Variants in TENM1 observed in about 807,000 individuals in gnomAD.
The protein encoded by TENM1 is teneurin-1.
A neutral mutation model predicts 174.8 loss-of-function variants in TENM1; 35 were observed. The ratio of observed to expected loss-of-function variants is 0.20; its 90% CI spans 0.15 to 0.27. The LOEUF is 0.27. Among genes scored for constraint, TENM1 ranks in the 10% least tolerant of loss-of-function variants. The pLI, the probability that TENM1 is intolerant of heterozygous loss-of-function variation, is 1.00. For synonymous variants in TENM1, 781 were observed against 798.7 expected (o/e 0.98, Z 0.37); for missense variants, 1,633 against 2,130.1 (o/e 0.77, Z 4.59).
At chrX:124,419,043 A>G (rs1299434443) in intron 25 of TENM1, among the ~76,000 whole-genome samples, 1 of 111,939 alleles carries the variant, frequency 8.9e-6, no homozygotes, top group Non-Finnish European at 1.9e-5. Context: ...TATGTAAATT[A>G]CCTAGCCCAG....
chrX:124,876,404 T>C (rs931652891), intron 3 of TENM1, among the ~76,000 whole-genome samples: 3 of 111,742 alleles, frequency 2.7e-5, no homozygotes, highest in Non-Finnish European at 5.6e-5. Context: ...ACTTGTAGTG[T>C]ATTATTTTTC....
the TENM1 span, among the ~76,000 whole-genome samples, chrX:124,989,165 T>A: frequency 8.9e-6 from 1 of 111,760 alleles, no homozygotes; most frequent in Non-Finnish European, 1.9e-5. Context: ...AATCCTAAGA[T>A]GTTGAGAATT....
At chrX:124,825,158 C>CTTTTTT (rs745471230) in intron 3 of TENM1, among the ~76,000 whole-genome samples, 56 of 60,978 alleles carry the variant, frequency 9.2e-4, no homozygotes, top group African/African-American at 1.3e-3. Flanking sequence ...AGCTGACTTT[C>CTTTTTT]TTTTTTTTTT....
At chrX:124,605,276 T>G (rs1056252495) in intron 11 of TENM1, among the ~76,000 whole-genome samples, 4 of 104,160 alleles carry the variant, frequency 3.8e-5, no homozygotes, top group Admixed American at 1.1e-4. Context: ...TTTGACTAGG[T>G]GACTTTATGT....
intron 25 of TENM1, among the ~76,000 whole-genome samples, chrX:124,416,257 T>C (rs887143730): frequency 8.9e-6 from 1 of 111,795 alleles, no homozygotes; most frequent in Non-Finnish European, 1.9e-5. Flanking sequence ...TCCCCATTCA[T>C]TCTTCTCCCC....
chrX:124,504,848 T>C, intron 18 of TENM1, among the ~76,000 whole-genome samples: 1 of 110,904 alleles, frequency 9.0e-6, no homozygotes, highest in Middle Eastern at 4.6e-3. Context: ...TTTTTGGCAT[T>C]AGGTGAAGGG....
intron 20 of TENM1, among the ~76,000 whole-genome samples, chrX:124,490,564 G>A (rs1291559357): frequency 1.8e-5 from 2 of 111,787 alleles, no homozygotes; most frequent in Non-Finnish European, 3.8e-5. Context: ...AGCAGTTGCT[G>A]GAAAAGAAAC....
chrX:124,699,016 G>C (rs1310607188), intron 5 of TENM1, among the ~76,000 whole-genome samples: 3 of 111,597 alleles, frequency 2.7e-5, no homozygotes, highest in Non-Finnish European at 5.7e-5. Context: ...CTGTTTAAAA[G>C]CCATTGCTCT....
the TENM1 span, among the ~76,000 whole-genome samples, chrX:125,133,075 C>A: frequency 1.8e-5 from 2 of 110,876 alleles, no homozygotes; most frequent in Non-Finnish European, 3.8e-5. Context: ...CTCACTGCAA[C>A]CTCCGCCTCC....
chrX:125,154,138 T>C, the TENM1 span, among the ~76,000 whole-genome samples: 4 of 112,235 alleles, frequency 3.6e-5, no homozygotes, highest in Non-Finnish European at 7.5e-5. Flanking sequence ...CCTGATTCAC[T>C]ACCCAACTAG....
At chrX:125,042,031 C>G in the TENM1 span, among the ~76,000 whole-genome samples, 1 of 111,686 alleles carries the variant, frequency 9.0e-6, no homozygotes, top group African/African-American at 3.2e-5. Context: ...ATATAGTATT[C>G]ATTGTACTTT....
rs764979134 is a variant in TENM1, at chrX:124,503,649, C to T, written c.3356G>A (p.Arg1119Lys). The change falls in exon 19 of 32, where the codon AGG (arginine) becomes AAG (lysine). Residue 1119 changes from arginine to lysine, a missense_variant. Physicochemically the swap from Arg to Lys is conservative, Grantham distance 26. This residue lies in a region of TENM1 where 449 missense variants were observed against 636.2 expected (regional missense o/e 0.71). Coordinates refer to ENST00000422452, the Ensembl canonical transcript of TENM1. Reference sequence around the variant, plus strand: ...CTCAAAACCTTGTAAAACGACTGTCCTTTGCTCCCAGAGAATAAAGTCAGG... The same window carrying T: ...CTCAAAACCTTGTAAAACGACTGTCTTTTGCTCCCAGAGAATAAAGTCAGG... 2.5e-6 allele frequency: 3 copies of T among 1,208,274 alleles called. No homozygotes were observed. Among genetic ancestry groups the T allele is most frequent in the Non-Finnish European group, 3.4e-6 (3 of 893,375 alleles).
At chrX:124,703,920 C>T (rs1184619250) in intron 5 of TENM1, among the ~76,000 whole-genome samples, 1 of 112,169 alleles carries the variant, frequency 8.9e-6, no homozygotes, top group Non-Finnish European at 1.9e-5. Flanking sequence ...TGAACATCAG[C>T]GCAGGCTATG....
chrX:125,157,611 GT>G, the TENM1 span, among the ~76,000 whole-genome samples: 1 of 111,981 alleles, frequency 8.9e-6, no homozygotes. Context: ...AGTCGATGTG[GT>G]GGGAACGAAC....
At chrX:124,496,585 A>G (rs150879890) in intron 20 of TENM1, among the ~76,000 whole-genome samples, 118 of 111,903 alleles carry the variant, frequency 1.1e-3, no homozygotes, top group African/African-American at 3.7e-3. Context: ...TTTCTTGTTT[A>G]TGAAATGACC....
chrX:125,014,412 G>A, the TENM1 span, among the ~76,000 whole-genome samples: 1 of 112,669 alleles, frequency 8.9e-6, no homozygotes, highest in Non-Finnish European at 1.9e-5. Context: ...AGAGGGGATA[G>A]GGAATTGGAA....
intron 3 of TENM1, among the ~76,000 whole-genome samples, chrX:124,851,525 A>G (rs1040484707): frequency 2.7e-5 from 3 of 110,831 alleles, no homozygotes; most frequent in Non-Finnish European, 5.7e-5. Context: ...TCAAGCTCAA[A>G]TCTCCCTGTC....
exon 10 of TENM1, chrX:124,645,219 T>C (rs1480315080): frequency 4.1e-6 from 5 of 1,209,746 alleles, no homozygotes; most frequent in Non-Finnish European, 5.6e-6. Flanking sequence ...GGCCAAAGCA[T>C]GTTGGATCAA....
At chrX:124,591,502 A>C (rs2049741566) in intron 11 of TENM1, among the ~76,000 whole-genome samples, 1 of 111,827 alleles carries the variant, frequency 8.9e-6, no homozygotes, top group Non-Finnish European at 1.9e-5. Flanking sequence ...GTGGGATATG[A>C]AATTATTGGT....
Sources: gnomAD v4.1 joint callset for allele counts (sites outside exome capture counted in the v4.1 genomes callset) on GRCh38, gnomAD v4.1.1 for gene constraint, gnomAD v4.1.1 regional missense constraint, MANE v1.5 for transcripts, NCBI Gene and HGNC (gene_info 2026-07-23, HGNC 2026-07-21) for gene names.